RASGRF2: variants seen among roughly 807,000 people sequenced by gnomAD.
The protein encoded by RASGRF2 is ras-specific guanine nucleotide-releasing factor 2.
In RASGRF2, 76 loss-of-function variants were observed where a neutral mutation model predicts 151.0. The ratio of observed to expected loss-of-function variants is 0.50; its 90% CI spans 0.42 to 0.61. The LOEUF (loss-of-function observed/expected upper bound fraction) is 0.61, where lower values mean the gene tolerates loss of function less well. Ranked by LOEUF, RASGRF2 falls within the 20% of genes least tolerant of loss-of-function variation. RASGRF2 has a pLI of 0.00. For missense variants in RASGRF2, 1,148 were observed against 1,564.6 expected, an observed-to-expected ratio of 0.73 and a Z score of 4.49; for synonymous variants, 504 against 566.5, an observed-to-expected ratio of 0.89 and a Z score of 1.57.
At chr5:81,165,045 C>T (rs1202965165) in intron 17 of RASGRF2, among the ~76,000 whole-genome samples, 1 of 152,192 alleles carries the variant, frequency 6.6e-6, no homozygotes, top group Non-Finnish European at 1.5e-5. Context: ...GGAGGGTTCC[C>T]CAAGGGTGGG....
intron 5 of RASGRF2, among the ~76,000 whole-genome samples, chr5:81,077,763 G>A (rs566501245): frequency 2.0e-5 from 3 of 152,264 alleles, no homozygotes; most frequent in African/African-American, 7.2e-5. Flanking sequence ...AACTGGAGAG[G>A]GTGGGTATTG....
chr5:81,155,570 C>T (rs1189471674), intron 17 of RASGRF2, among the ~76,000 whole-genome samples: 2 of 152,148 alleles, frequency 1.3e-5, no homozygotes, highest in Non-Finnish European at 2.9e-5. Flanking sequence ...TTATGAACAA[C>T]TTTACGCAAA....
chr5:81,068,396 T>C, intron 3 of RASGRF2, among the ~76,000 whole-genome samples: 1 of 151,802 alleles, frequency 6.6e-6, no homozygotes, highest in Non-Finnish European at 1.5e-5. Context: ...TGTGCTTTTT[T>C]TTTTTTTTTT....
chr5:81,138,397 G>A (rs956069805), intron 17 of RASGRF2, among the ~76,000 whole-genome samples: 7 of 152,144 alleles, frequency 4.6e-5, no homozygotes, highest in Non-Finnish European at 8.8e-5. Flanking sequence ...GGACTGGAAT[G>A]GGAAAAATGT....
chr5:81,041,110 T>G (rs1476129958), intron 1 of RASGRF2, among the ~76,000 whole-genome samples: 1 of 152,094 alleles, frequency 6.6e-6, no homozygotes, highest in African/African-American at 2.4e-5. Context: ...GAGACCAGCC[T>G]GACCAACATG....
At chr5:81,081,932 A>G (rs896962800) in intron 7 of RASGRF2, among the ~76,000 whole-genome samples, 1 of 152,230 alleles carries the variant, frequency 6.6e-6, no homozygotes, top group Non-Finnish European at 1.5e-5. Flanking sequence ...AATATTTCAC[A>G]AGAAAGATTT....
intron 17 of RASGRF2, among the ~76,000 whole-genome samples, chr5:81,143,417 G>A (rs545614181): frequency 1.3e-5 from 2 of 151,352 alleles, no homozygotes; most frequent in African/African-American, 4.9e-5. Context: ...CAAAGTGCTG[G>A]GATTACAGGT....
At chr5:81,157,630 A>G (rs537613836) in intron 17 of RASGRF2, among the ~76,000 whole-genome samples, 1 of 152,328 alleles carries the variant, frequency 6.6e-6, no homozygotes, top group African/African-American at 2.4e-5. Context: ...ATTTATAAAG[A>G]CAAGAGGTTT....
In RASGRF2 at chr5:81,123,742, G is replaced by A. The variant is rs1329150078; in HGVS notation, c.2571G>A (p.Arg857=). Residue 857 remains arginine (R), a synonymous_variant, in exon 16 of 27, where the codon CGG becomes CGA. Transcript: ENST00000265080. ...CTTGCAGATCCCCCTCAACTCCTCG[G>A]CACCTCCGCTATCGACAGCCTGGAG... ...LSPCRSPSTP[R]HLRYRQPGGQ... 1 of 1,613,758 alleles carries A rather than the reference G, an allele frequency of 6.2e-7. No individual in the cohort carries two copies. The highest frequency in any genetic ancestry group is 8.5e-7 in the Non-Finnish European group (1 of 1,179,858).
intron 18 of RASGRF2, among the ~76,000 whole-genome samples, chr5:81,192,549 C>T (rs913267850): frequency 1.3e-5 from 2 of 152,242 alleles, no homozygotes; most frequent in Admixed American, 6.5e-5. Context: ...CCGACGCAGG[C>T]AGGCCAGCGG....
At chr5:81,206,584 G>T (rs1266364549) in intron 19 of RASGRF2, among the ~76,000 whole-genome samples, 1 of 152,216 alleles carries the variant, frequency 6.6e-6, no homozygotes, top group Admixed American at 6.5e-5. Flanking sequence ...CACTGTGACG[G>T]TGGTTGTTTC....
At chr5:81,023,950 A>G (rs1460559471) in intron 1 of RASGRF2, among the ~76,000 whole-genome samples, 1 of 152,210 alleles carries the variant, frequency 6.6e-6, no homozygotes. Flanking sequence ...GATTTATTGA[A>G]TATAATGTTA....
chr5:81,106,165 A>T (rs78848215), intron 12 of RASGRF2, among the ~76,000 whole-genome samples: 1 of 152,206 alleles, frequency 6.6e-6, no homozygotes, highest in Non-Finnish European at 1.5e-5. Context: ...TATTTGCATC[A>T]GAAAATTTAA....
chr5:81,047,182 T>C (rs1191150272), intron 2 of RASGRF2, among the ~76,000 whole-genome samples: 1 of 152,204 alleles, frequency 6.6e-6, no homozygotes, highest in Admixed American at 6.5e-5. Context: ...GGGCAATTTC[T>C]GCTGGAAATT....
rs544639000 is a variant in RASGRF2 at position 81,030,045 on chromosome 5, G to A, written c.289-12832G>A. ...AGCCAATTCGATCAAGTGGAAGAAAGGGTATCAGTGATTGAAGATCAAATA... is the reference window on the plus strand; with the variant it reads ...AGCCAATTCGATCAAGTGGAAGAAAAGGTATCAGTGATTGAAGATCAAATA... On this transcript the variant is annotated intron_variant, in intron 1 of 26. Transcript: ENST00000265080. Among the ~76,000 whole-genome samples the A allele has an allele frequency of 1.4e-3, 210 of 152,292 alleles. 1 individual carries two copies. Among genetic ancestry groups the A allele is most frequent in the African/African-American group, 4.8e-3 (199 of 41,572 alleles).
chr5:81,188,208 C>T (rs988053091), intron 18 of RASGRF2, among the ~76,000 whole-genome samples: 1 of 152,162 alleles, frequency 6.6e-6, no homozygotes, highest in Non-Finnish European at 1.5e-5. Context: ...GGTCTCTGCC[C>T]CTTAAAGAGC....
In RASGRF2 at chr5:81,122,716, T is replaced by G. The variant is rs181245458; in HGVS notation, c.2471-926T>G. ...AAGCCCAAGAAGAATGGAAGAATCG[T>G]TGGAAATGTATTACATTTTTGTGGT... On this transcript the variant is annotated intron_variant, in intron 15 of 26. Transcript: ENST00000265080. 2.6e-5 allele frequency among the ~76,000 whole-genome samples: 4 copies of G among 152,294 alleles called. No individual in the cohort carries two copies. The East Asian group carries it at 7.7e-4, about 29-fold the overall frequency.
chr5:81,215,087 C>G (rs1036776536), intron 23 of RASGRF2, among the ~76,000 whole-genome samples: 147 of 152,034 alleles, frequency 9.7e-4, no homozygotes, highest in African/African-American at 3.4e-3. Flanking sequence ...TGCTGTAATC[C>G]CCACATTTTG....
At chr5:81,086,774 C>T (rs2112488933) in intron 8 of RASGRF2, 61 bp from the exon 9 acceptor site, 5 of 1,376,980 alleles carry the variant, frequency 3.6e-6, no homozygotes, top group South Asian at 1.2e-5. Flanking sequence ...CTCTTCTTTG[C>T]CTACATGCTA....
Sources: allele counts gnomAD v4.1 joint callset (sites outside exome capture counted in the v4.1 genomes callset), GRCh38; gene constraint gnomAD v4.1.1; transcripts MANE v1.5; gene names NCBI Gene and HGNC (gene_info 2026-07-23, HGNC 2026-07-21).